Variants in ISG20 observed in about 807,000 individuals in gnomAD.
ISG20 encodes the protein interferon stimulated exonuclease gene 20.
A neutral mutation model predicts 11.1 loss-of-function variants in ISG20; 8 were observed. The observed-to-expected ratio is 0.72, with a 90% CI of 0.42 to 1.30. The LOEUF (loss-of-function observed/expected upper bound fraction) is 1.30. Among genes scored for constraint, ISG20 ranks in the 50% most tolerant of loss-of-function variants. ISG20 has a pLI of 0.01. For synonymous variants in ISG20, 110 were observed against 101.7 expected (o/e 1.08, Z -0.49); for missense variants, 243 against 250.2 (o/e 0.97, Z 0.19).
In ISG20 at chr15:88,639,287, A is replaced by G; in HGVS notation, c.-24-56A>G. ...AGGCCAGCTGGGGTTGGCTGAGGAC[A>G]CCTGGAGGCTTGGTTTGCCCAAGCG... is the stretch of plus-strand genomic sequence containing the variant. On this transcript the variant is annotated intron_variant, in intron 1 of 3. Transcript: ENST00000306072. This position sits in a 1 kb window ranked among gnomAD's most constrained non-coding sequence, Gnocchi z 4.2. The G allele has an allele frequency of 8.9e-7, 1 of 1,125,172 alleles. No homozygotes were observed. The allele number at this position is 1,125,172 out of a possible 1,614,324, so 69.7% of individuals were successfully genotyped here.
At chr15:88,645,011 A>G (rs1296150324) in intron 2 of ISG20, among the ~76,000 whole-genome samples, 2 of 152,170 alleles carry the variant, frequency 1.3e-5, no homozygotes, top group Admixed American at 1.3e-4. Flanking sequence ...TTGGTGCAGA[A>G]ATGCTTTTGT....
upstream of ISG20, among the ~76,000 whole-genome samples, chr15:88,635,760 GATAAA>G (rs1374144385): frequency 6.6e-6 from 1 of 151,980 alleles, no homozygotes; most frequent in African/African-American, 2.4e-5. Context: ...GGTAGTAAGT[GATAAA>G]ATAGACTAGT....
At chr15:88,648,987 C>T (rs2058226691) in intron 2 of ISG20, 2 of 152,354 alleles carry the variant, frequency 1.3e-5, no homozygotes, top group Admixed American at 1.3e-4. Flanking sequence ...CGAGGCCAGC[C>T]TGCCAGTGCC....
chr15:88,640,147 C>T (rs576103449), intron 2 of ISG20, among the ~76,000 whole-genome samples: 1 of 152,328 alleles, frequency 6.6e-6, no homozygotes, highest in Non-Finnish European at 1.5e-5. Context: ...ATCTCCCCGT[C>T]TCACTTTCTG....
chr15:88,651,711 C>A, intron 2 of ISG20: 1 of 898,654 alleles, frequency 1.1e-6, no homozygotes, highest in Non-Finnish European at 1.4e-6. Context: ...AATGCATTCA[C>A]AGATCCTGGG....
intron 2 of ISG20, chr15:88,647,811 G>A (rs1005940865): frequency 7.2e-5 from 11 of 152,238 alleles, no homozygotes; most frequent in Admixed American, 1.3e-4. Context: ...GAGAAGCACC[G>A]TGGTCGCGGG....
intron 2 of ISG20, chr15:88,649,882 CG>C (rs1567120637): frequency 3.2e-6 from 1 of 316,984 alleles, no homozygotes; most frequent in African/African-American, 2.1e-5. Flanking sequence ...ATGTGGACCG[CG>C]GGGCAGGCTG....
chr15:88,645,671 A>G (rs1189259724), intron 2 of ISG20, among the ~76,000 whole-genome samples: 6 of 151,730 alleles, frequency 4.0e-5, no homozygotes, highest in Non-Finnish European at 7.4e-5. Flanking sequence ...ATTTCAGCCA[A>G]CTCCTAGTCT....
Position 88,655,477 on chromosome 15 carries a change from C to T in ISG20, c.492C>T (p.Ile164=), listed in dbSNP as rs140403138. ...DARATMELYQ[I]SQRIRARRGL... ...GGGCAACGATGGAGCTCTATCAAAT[C>T]TCCCAGAGAATCCGAGCCCGCCGAG... The change falls in exon 4 of 4, where the codon ATC becomes ATT. Residue 164 remains isoleucine (I), a synonymous_variant. Coordinates refer to ENST00000306072, the MANE Select transcript of ISG20 (RefSeq NM_002201.6). 6.1e-5 allele frequency: 98 copies of T among 1,613,964 alleles called. 1 individual carries two copies. The East Asian group carries it at 2.1e-3, about 34-fold the overall frequency.
chr15:88,641,337 G>T (rs1023169151), intron 2 of ISG20, among the ~76,000 whole-genome samples: 8 of 151,964 alleles, frequency 5.3e-5, no homozygotes, highest in African/African-American at 1.9e-4. Flanking sequence ...GAGGAAACTG[G>T]GGCTCGCTTG....
At chr15:88,653,610 C>T (rs2058325074) in intron 3 of ISG20, among the ~76,000 whole-genome samples, 1 of 152,146 alleles carries the variant, frequency 6.6e-6, no homozygotes, top group South Asian at 2.1e-4. Context: ...GGGCCTTCTC[C>T]CAGGCTCTGT....
In ISG20 at chr15:88,651,706, A is replaced by C. The variant is rs1040991937; in HGVS notation, c.229-404A>C. ...TTAATTCCTCTTTGCCAGGTAATGC[A>C]TTCACAGATCCTGGGGACTAGGGTG... is the stretch of plus-strand genomic sequence containing the variant. On this transcript the variant is annotated intron_variant, in intron 2 of 3. Transcript: ENST00000306072. 9 of 856,584 alleles carry C rather than the reference A, an allele frequency of 1.1e-5. No individual in the cohort carries two copies. The African/African-American group carries it at 1.6e-4, about 15-fold the overall frequency. The allele number at this position is 856,584 out of a possible 1,614,324, so 53.1% of individuals were successfully genotyped here.
intron 3 of ISG20, 57 bp from the exon 4 acceptor site, chr15:88,655,358 A>G (rs2058356979): frequency 1.3e-6 from 2 of 1,496,996 alleles, no homozygotes; most frequent in Non-Finnish European, 1.9e-6. Flanking sequence ...AGACCCTGTC[A>G]CGGGGCCTCT....
upstream of ISG20, chr15:88,637,441 G>C (rs2058002239): frequency 6.6e-6 from 1 of 151,560 alleles, no homozygotes; most frequent in Non-Finnish European, 1.5e-5. Flanking sequence ...AATGTAACAT[G>C]GTAGGACTCA....
At chr15:88,641,425 T>C (rs1452687929) in intron 2 of ISG20, among the ~76,000 whole-genome samples, 1 of 152,192 alleles carries the variant, frequency 6.6e-6, no homozygotes, top group Non-Finnish European at 1.5e-5. Flanking sequence ...CTCGGGGTTC[T>C]GGAGGCTGCA....
rs1019777777 is a variant in ISG20, at chr15:88,655,634, A to G, written c.*103A>G. ...ACATTTTTAATAGTAAAGTGGCTCT[A>G]TATTTTCTCTACGCCATCACTGGGT... On this transcript the variant is annotated 3_prime_UTR_variant, in exon 4 of 4. Coordinates refer to ENST00000306072, the MANE Select transcript of ISG20 (RefSeq NM_002201.6). 1.5e-5 allele frequency: 11 copies of G among 754,214 alleles called. No homozygotes were observed. Among genetic ancestry groups the G allele is most frequent in the African/African-American group, 7.0e-5 (4 of 56,864 alleles). The allele number at this position is 754,214 out of a possible 1,614,324, so 46.7% of individuals were successfully genotyped here.
Position 88,650,216 on chromosome 15 carries a change from A to C in ISG20, c.229-1894A>C, listed in dbSNP as rs756572228. The C allele has an allele frequency of 1.6e-5, 25 of 1,532,526 alleles. No individual in the cohort carries two copies. Among genetic ancestry groups the C allele is most frequent in the Non-Finnish European group, 2.0e-5 (23 of 1,144,172 alleles). The allele number at this position is 1,532,526 out of a possible 1,614,324, so 94.9% of individuals were successfully genotyped here. A position where few individuals can be genotyped will look rare whatever the true frequency, so the allele number is the denominator to read the frequency against. ...GCCGCCCCTTTCCCTAATAGAGCTC[A>C]CATCTGTTCTATTTTCAGGTCCCCT... is the stretch of plus-strand genomic sequence containing the variant. On this transcript the variant is annotated intron_variant, in intron 2 of 3. Coordinates refer to ENST00000306072, the MANE Select transcript of ISG20 (RefSeq NM_002201.6). The surrounding 1 kb of genome is among the most constrained non-coding windows in gnomAD (Gnocchi z 4.0).
chr15:88,655,470 A>G lies in ISG20; in HGVS notation c.485A>G (p.Tyr162Cys), dbSNP rs926479514. Residue 162 changes from tyrosine to cysteine, a missense_variant, in exon 4 of 4, where the codon TAT (tyrosine) becomes TGT (cysteine). By Grantham distance (194) the Tyr-to-Cys change is radical. Coordinates refer to ENST00000306072, the MANE Select transcript of ISG20 (RefSeq NM_002201.6). ...GATGCGAGGGCAACGATGGAGCTCT[A>G]TCAAATCTCCCAGAGAATCCGAGCC... is the stretch of plus-strand genomic sequence containing the variant. Reference protein sequence around the residue: ...VEDARATMELYQISQRIRARR... With the variant: ...VEDARATMELCQISQRIRARR... 1 of 1,613,886 alleles carries G rather than the reference A, an allele frequency of 6.2e-7. No individual in the cohort carries two copies. The highest frequency in any genetic ancestry group is 8.5e-7 in the Non-Finnish European group (1 of 1,180,040).
Position 88,639,296 on chromosome 15 carries a change from C to T in ISG20, c.-24-47C>T. On this transcript the variant is annotated intron_variant, in intron 1 of 3. Coordinates refer to ENST00000306072, the MANE Select transcript of ISG20 (RefSeq NM_002201.6). The surrounding 1 kb of genome is among the most constrained non-coding windows in gnomAD (Gnocchi z 4.2). ...GGGGTTGGCTGAGGACACCTGGAGG[C>T]TTGGTTTGCCCAAGCGTGAGACCGC... 1 of 1,263,952 alleles carries T rather than the reference C, an allele frequency of 7.9e-7. No homozygotes were observed. The highest frequency in any genetic ancestry group is 2.3e-5 in the Admixed American group (1 of 42,738). 78.3% of individuals were successfully genotyped at this position (1,263,952 alleles called of 1,614,324 possible).
Sources: allele counts gnomAD v4.1 joint callset (sites outside exome capture counted in the v4.1 genomes callset), GRCh38; gene constraint gnomAD v4.1.1; non-coding constraint Gnocchi (gnomAD v3.1); transcripts MANE v1.5; gene names NCBI Gene and HGNC (gene_info 2026-07-23, HGNC 2026-07-21).